CNTLN: variants seen among roughly 807,000 people sequenced by gnomAD.
The protein encoded by CNTLN is centlein, centrosomal protein.
Under a neutral mutation model 180.0 loss-of-function variants are expected in CNTLN, and 212 were observed. That is an observed-to-expected ratio of 1.18 (90% CI 1.05 to 1.32). The LOEUF (loss-of-function observed/expected upper bound fraction) is 1.32, where lower values mean the gene tolerates loss of function less well. CNTLN is among the 40% of genes most tolerant of loss of function. The probability of loss-of-function intolerance (pLI) is 0.00; values close to 1 mark genes in which losing one functional copy is unlikely to be tolerated. For missense variants in CNTLN, 2,095 were observed against 1,610.9 expected (o/e 1.30, Z -5.14); for synonymous variants, 722 against 563.1 (o/e 1.28, Z -3.99).
intron 13 of CNTLN, among the ~76,000 whole-genome samples, chr9:17,368,272 G>T (rs1016857558): frequency 1.8e-4 from 28 of 152,256 alleles, no homozygotes; most frequent in African/African-American, 6.7e-4. Flanking sequence ...TGTGGAAAGG[G>T]AAGGGAAGAG....
rs1180416978 is a variant in CNTLN at position 17,256,479 on chromosome 9, TTG to T, written c.850-17250_850-17249del. On this transcript the variant is annotated intron_variant, in intron 5 of 25. Coordinates refer to ENST00000380647, the MANE Select transcript of CNTLN (RefSeq NM_017738.4). ...ATGATTGGTGTGAGATGGTATCTCA[TTG>T]TGTTTCTGATTTGCATTTCTCTGAT... 3.9e-5 allele frequency among the ~76,000 whole-genome samples: 6 copies of T among 152,118 alleles called. No homozygotes were observed. In the East Asian group the frequency reaches 1.2e-3, roughly 29 times the overall value.
chr9:17,480,892 A>G (rs1405379357), intron 23 of CNTLN, among the ~76,000 whole-genome samples: 1 of 152,224 alleles, frequency 6.6e-6, no homozygotes, highest in Admixed American at 6.5e-5. Context: ...AATACAAATG[A>G]AGTGTAATCA....
chr9:17,332,874 G>T, intron 10 of CNTLN, 144 bp downstream of exon 10: 1 of 422,168 alleles, frequency 2.4e-6, no homozygotes. Flanking sequence ...AGTTCATCTT[G>T]TTATTAAGAT....
rs537763145 is a variant in CNTLN, at chr9:17,466,778, G to T, written c.3742G>T (p.Ala1248Ser). Residue 1248 changes from alanine to serine, a missense_variant, in exon 23 of 26, where the codon GCA becomes TCA. Physicochemically the swap from Ala to Ser is moderately conservative, Grantham distance 99. Coordinates refer to ENST00000380647, the MANE Select transcript of CNTLN (RefSeq NM_017738.4). ...ESAMAEIETA[A>S]SKQLQELALQ... ...TGCAATGGCAGAAATTGAAACAGCA[G>T]CATCTAAGCAGCTTCAAGAATTAGC... The T allele has an allele frequency of 1.9e-6, 3 of 1,610,848 alleles. No homozygotes were observed. The highest frequency in any genetic ancestry group is 1.1e-5 in the South Asian group (1 of 90,944).
At chr9:17,344,135 A>C (rs1290845771) in intron 12 of CNTLN, among the ~76,000 whole-genome samples, 2 of 130,512 alleles carry the variant, frequency 1.5e-5, no homozygotes, top group African/African-American at 5.2e-5. Context: ...ATTACCTATA[A>C]ATGATTGATT....
chr9:17,321,557 A>C (rs1819913346), intron 8 of CNTLN, among the ~76,000 whole-genome samples: 1 of 152,188 alleles, frequency 6.6e-6, no homozygotes, highest in Admixed American at 6.5e-5. Flanking sequence ...AACATTTGGA[A>C]GGGTATATCT....
At chr9:17,385,201 T>TA (rs1320600140) in intron 13 of CNTLN, among the ~76,000 whole-genome samples, 3 of 152,238 alleles carry the variant, frequency 2.0e-5, no homozygotes, top group Non-Finnish European at 4.4e-5. Flanking sequence ...TTTCTGAGCA[T>TA]GCCACCTTCA....
intron 7 of CNTLN, chr9:17,299,917 C>G (rs1054727792): frequency 2.8e-5 from 12 of 432,320 alleles, no homozygotes; most frequent in Non-Finnish European, 3.7e-5. Context: ...TTAGCTGTCC[C>G]TTTTTAATTT....
intron 7 of CNTLN, chr9:17,298,793 C>A (rs772044684): frequency 1.1e-4 from 112 of 986,024 alleles, no homozygotes; most frequent in Non-Finnish European, 1.3e-4. Context: ...GCTTTAGGAT[C>A]AATATTTTCC....
chr9:17,185,539 CT>C (rs1230137672), intron 2 of CNTLN, among the ~76,000 whole-genome samples: 2 of 151,950 alleles, frequency 1.3e-5, no homozygotes, highest in Non-Finnish European at 2.9e-5. Context: ...TTTTAGTTTA[CT>C]TTTTTTTCTT....
intron 22 of CNTLN, among the ~76,000 whole-genome samples, 190 bp from the exon 23 acceptor site, chr9:17,466,516 A>G (rs778825055): frequency 4.0e-5 from 6 of 151,534 alleles, no homozygotes; most frequent in Non-Finnish European, 8.9e-5. Context: ...ACTAATTTAG[A>G]TGATAAGTAT....
chr9:17,301,509 T>C, intron 7 of CNTLN: 1 of 984,952 alleles, frequency 1.0e-6, no homozygotes, highest in Non-Finnish European at 1.2e-6. Flanking sequence ...AGATTGAATA[T>C]CATTTTTCTT....
chr9:17,337,946 A>G (rs917385618), intron 10 of CNTLN, among the ~76,000 whole-genome samples: 3 of 152,190 alleles, frequency 2.0e-5, no homozygotes, highest in Non-Finnish European at 4.4e-5. Context: ...ATAATTTTTA[A>G]GAAAGTCATT....
chr9:17,349,779 G>T (rs1164753578), intron 12 of CNTLN, among the ~76,000 whole-genome samples: 6 of 152,168 alleles, frequency 3.9e-5, no homozygotes, highest in Non-Finnish European at 5.9e-5. Flanking sequence ...AAATTGGCTG[G>T]TTCCTTCAGT....
chr9:17,151,385 T>C (rs1355352239), intron 2 of CNTLN, among the ~76,000 whole-genome samples: 3 of 152,236 alleles, frequency 2.0e-5, no homozygotes, highest in Non-Finnish European at 2.9e-5. Context: ...GAAGGCCTTT[T>C]CTGCATCTAT....
At position 17,409,302 on chromosome 9, in the gene CNTLN, T is replaced by C; in HGVS notation, c.2625T>C (p.Ser875=). The C allele has an allele frequency of 6.2e-7, 1 of 1,609,594 alleles. No homozygotes were observed. Among genetic ancestry groups the C allele is most frequent in the South Asian group, 1.1e-5 (1 of 89,928 alleles). ...ACTTTTTTCTAAAAAGCAGTGATTC[T>C]GAAGCACAGACCTCTCAAACTTTGG... ...WEDVSESSSD[S]EAQTSQTLGT... is the part of the protein sequence containing the mutation. Residue 875 remains serine, a synonymous_variant, in exon 16 of 26, where the codon TCT becomes TCC. Transcript: ENST00000380647.
chr9:17,319,172 C>T (rs931167975), intron 8 of CNTLN, among the ~76,000 whole-genome samples: 30 of 152,288 alleles, frequency 2.0e-4, no homozygotes, highest in African/African-American at 6.7e-4. Flanking sequence ...TTGTCAGAAG[C>T]GCACTGGCAT....
In CNTLN at chr9:17,258,607, T is replaced by TGA. The variant is rs544970821; in HGVS notation, c.850-15125_850-15124dup. Among the ~76,000 whole-genome samples, 735 of 150,670 alleles carry TGA rather than the reference T, an allele frequency of 4.9e-3. 17 individuals carry two copies. The highest frequency in any genetic ancestry group is 0.017 in the African/African-American group (684 of 40,248). On this transcript the variant is annotated intron_variant, in intron 5 of 25. Transcript: ENST00000380647. The stretch of plus-strand genomic sequence containing the variant: ...TCACGATATTGATTCTTCCTACCCA[T>TGA]GAACATGGAATGTTCTTCCATTTGT...
intron 2 of CNTLN, among the ~76,000 whole-genome samples, chr9:17,220,399 C>T (rs192380125): frequency 9.8e-4 from 149 of 151,956 alleles, no homozygotes; most frequent in Admixed American, 5.1e-3. Flanking sequence ...AAAGACTAAC[C>T]GTACAGTTTT....
Sources: allele counts gnomAD v4.1 joint callset (sites outside exome capture counted in the v4.1 genomes callset), GRCh38; gene constraint gnomAD v4.1.1; transcripts MANE v1.5; gene names NCBI Gene and HGNC (gene_info 2026-07-23, HGNC 2026-07-21).